NKAIN1: variants seen among roughly 807,000 people sequenced by gnomAD.
The protein encoded by NKAIN1 is sodium/potassium transporting ATPase interacting 1, also known as sodium/potassium-transporting ATPase subunit beta-1-interacting protein 1.
Under a neutral mutation model 31.6 loss-of-function variants are expected in NKAIN1, and 13 were observed. The ratio of observed to expected loss-of-function variants is 0.41; its 90% CI spans 0.27 to 0.65. NKAIN1 has a LOEUF of 0.65. Ranked by LOEUF, NKAIN1 falls within the 30% of genes least tolerant of loss-of-function variation. The probability of loss-of-function intolerance (pLI) is 0.30; values close to 1 mark genes in which losing one functional copy is unlikely to be tolerated. For synonymous variants in NKAIN1, 104 were observed against 109.0 expected (o/e 0.95, Z 0.28); for missense variants, 193 against 262.2 (o/e 0.74, Z 1.82).
intron 1 of NKAIN1, among the ~76,000 whole-genome samples, chr1:31,216,737 C>T (rs1645516723): frequency 3.3e-5 from 1 of 30,228 alleles, no homozygotes; most frequent in Non-Finnish European, 9.5e-5. Context: ...TTTATTGAGA[C>T]AGCTGGAGTC....
chr1:31,187,473 G>C (rs546062769), intron 2 of NKAIN1, among the ~76,000 whole-genome samples: 1 of 152,092 alleles, frequency 6.6e-6, no homozygotes, highest in Non-Finnish European at 1.5e-5. Flanking sequence ...ACACATCCTT[G>C]ATGTACATCG....
intron 1 of NKAIN1, among the ~76,000 whole-genome samples, chr1:31,195,618 A>G (rs113032226): frequency 2.1e-4 from 32 of 151,964 alleles, no homozygotes; most frequent in African/African-American, 7.5e-4. Context: ...AGCCTCTCCC[A>G]TTAAAAAAAG....
chr1:31,224,609 G>A (rs1249704051), intron 1 of NKAIN1, among the ~76,000 whole-genome samples: 1 of 152,210 alleles, frequency 6.6e-6, no homozygotes, highest in Non-Finnish European at 1.5e-5. Context: ...ACAGACTGGT[G>A]GGGAATAAAA....
chr1:31,210,584 C>T (rs1457314673), intron 1 of NKAIN1, among the ~76,000 whole-genome samples: 3 of 152,158 alleles, frequency 2.0e-5, no homozygotes, highest in Non-Finnish European at 2.9e-5. Flanking sequence ...CCCCCACACC[C>T]GGCTTGCCAT....
chr1:31,232,122 G>A (rs778043490), intron 1 of NKAIN1, among the ~76,000 whole-genome samples: 53 of 147,358 alleles, frequency 3.6e-4, no homozygotes, highest in Non-Finnish European at 5.2e-4. Context: ...ACGGAGTTTC[G>A]CTCTTGTTAC....
chr1:31,185,912 T>C (rs749384396), intron 2 of NKAIN1, among the ~76,000 whole-genome samples: 8 of 152,044 alleles, frequency 5.3e-5, no homozygotes, highest in Non-Finnish European at 1.2e-4. Context: ...TAGCACAGAA[T>C]AGCTGGATGA....
intron 1 of NKAIN1, among the ~76,000 whole-genome samples, chr1:31,223,700 T>C (rs1557661670): frequency 6.6e-6 from 1 of 152,144 alleles, no homozygotes; most frequent in Non-Finnish European, 1.5e-5. Flanking sequence ...TGCCTCGGCC[T>C]CCCAAAGTGC....
In NKAIN1 at chr1:31,233,814, C is replaced by T. The variant is rs984605192; in HGVS notation, c.54+5680G>A. ...GGCATCAACTTGCGAATTCCCCAAA[C>T]TGCCATGGGCTCGTTCGTGGGGTAG... On this transcript the variant is annotated intron_variant, in intron 1 of 6. Coordinates refer to ENST00000373736, the MANE Select transcript of NKAIN1 (RefSeq NM_024522.3). The surrounding 1 kb of genome is among the most constrained non-coding windows in gnomAD (Gnocchi z 4.0). Among the ~76,000 whole-genome samples, 1 of 152,186 alleles carries T rather than the reference C, an allele frequency of 6.6e-6. No homozygotes were observed. The highest frequency in any genetic ancestry group is 2.4e-5 in the African/African-American group (1 of 41,456).
intron 1 of NKAIN1, among the ~76,000 whole-genome samples, chr1:31,207,277 C>T (rs1389649780): frequency 6.6e-6 from 1 of 152,152 alleles, no homozygotes; most frequent in Non-Finnish European, 1.5e-5. Flanking sequence ...TCTTTAATTT[C>T]AAATCCCGGC....
chr1:31,214,941 G>A (rs1043841337), intron 1 of NKAIN1, among the ~76,000 whole-genome samples: 7 of 152,200 alleles, frequency 4.6e-5, no homozygotes, highest in Non-Finnish European at 7.3e-5. Context: ...CCCTCCGGGC[G>A]CCCCCTAGGG....
intron 1 of NKAIN1, among the ~76,000 whole-genome samples, chr1:31,237,094 C>CA (rs1200687598): frequency 1.1e-4 from 16 of 151,998 alleles, no homozygotes; most frequent in African/African-American, 3.1e-4. Flanking sequence ...CTCTAAAACA[C>CA]AAAAAAATTA....
intron 1 of NKAIN1, among the ~76,000 whole-genome samples, chr1:31,189,110 C>T (rs985030627): frequency 3.3e-5 from 5 of 152,086 alleles, no homozygotes; most frequent in African/African-American, 1.2e-4. Flanking sequence ...CCCAGCTGAC[C>T]TGCTGGAGGA....
intron 1 of NKAIN1, among the ~76,000 whole-genome samples, chr1:31,195,471 T>G (rs1184233482): frequency 6.6e-6 from 1 of 151,982 alleles, no homozygotes; most frequent in Non-Finnish European, 1.5e-5. Flanking sequence ...CCGCCGCGGC[T>G]GGCCCCCGCC....
At position 31,239,630 on chromosome 1, in the gene NKAIN1, C is replaced by G. The variant is rs541412751; in HGVS notation, c.-83G>C. The G allele has an allele frequency of 2.8e-4, 214 of 761,532 alleles. 4 individuals are homozygous for G. In the East Asian group the frequency reaches 0.019, roughly 67 times the overall value. 47.2% of individuals were successfully genotyped at this position (761,532 alleles called of 1,614,324 possible). On this transcript the variant is annotated 5_prime_UTR_variant, in exon 1 of 7. Coordinates refer to ENST00000373736, the MANE Select transcript of NKAIN1 (RefSeq NM_024522.3). The surrounding 1 kb of genome is among the most constrained non-coding windows in gnomAD (Gnocchi z 4.8). ...GCCTGCTCGCGCCGCGCGGGCTCCACGTCCTCCCCGCTGGGCGCGCCGGGC... is the reference window on the plus strand; with the variant it reads ...GCCTGCTCGCGCCGCGCGGGCTCCAGGTCCTCCCCGCTGGGCGCGCCGGGC...
At chr1:31,219,558 C>T (rs1645546052) in intron 1 of NKAIN1, among the ~76,000 whole-genome samples, 1 of 152,238 alleles carries the variant, frequency 6.6e-6, no homozygotes, top group South Asian at 2.1e-4. Flanking sequence ...ACTGCCCGCC[C>T]TGGGGAAAGG....
chr1:31,222,032 C>T (rs761319522), intron 1 of NKAIN1, among the ~76,000 whole-genome samples: 2 of 152,168 alleles, frequency 1.3e-5, no homozygotes, highest in African/African-American at 2.4e-5. Flanking sequence ...GCGCCCACCA[C>T]CACACCTGGC....
At chr1:31,220,754 CAAAAAAAAAA>C (rs772908877) in intron 1 of NKAIN1, among the ~76,000 whole-genome samples, 2 of 58,912 alleles carry the variant, frequency 3.4e-5, no homozygotes, top group South Asian at 1.5e-3. Flanking sequence ...ACTCCATCTC[CAAAAAAAAAA>C]AAAAAAAAAA....
rs532827173 is a variant in NKAIN1, at chr1:31,185,897, A to C, written c.193-570T>G. On this transcript the variant is annotated intron_variant, in intron 2 of 6. Coordinates refer to ENST00000373736, the MANE Select transcript of NKAIN1 (RefSeq NM_024522.3). The stretch of plus-strand genomic sequence containing the variant: ...TGCCTGGCTCACCACTGCAATGCCA[A>C]TGCCTAGCACAGAATAGCTGGATGA... Among the ~76,000 whole-genome samples the C allele has an allele frequency of 1.1e-4, 16 of 152,270 alleles. No individual in the cohort carries two copies. In the East Asian group the frequency reaches 1.2e-3, roughly 11 times the overall value.
At chr1:31,185,074 A>T in intron 3 of NKAIN1, 173 bp downstream of exon 3, 1 of 613,106 alleles carries the variant, frequency 1.6e-6, no homozygotes, top group Non-Finnish European at 3.0e-6. Flanking sequence ...TGTTTGAGGA[A>T]GCCAGAAATA....
Sources: gnomAD v4.1 joint callset for allele counts (sites outside exome capture counted in the v4.1 genomes callset) on GRCh38, gnomAD v4.1.1 for gene constraint, Gnocchi (gnomAD v3.1) non-coding constraint, MANE v1.5 for transcripts, NCBI Gene and HGNC (gene_info 2026-07-23, HGNC 2026-07-21) for gene names.